Variants in MAF observed in about 807,000 individuals in gnomAD.
The protein encoded by MAF is MAF bZIP transcription factor, also known as transcription factor Maf.
A neutral mutation model predicts 22.0 loss-of-function variants in MAF; 10 were observed. The observed-to-expected ratio is 0.45, with a 90% confidence interval of 0.28 to 0.77. The LOEUF (loss-of-function observed/expected upper bound fraction) is 0.77. Among genes scored for constraint, MAF ranks in the 30% least tolerant of loss-of-function variants. The pLI is 0.12. For synonymous variants in MAF, 337 were observed against 255.8 expected (o/e 1.32, Z -3.03); for missense variants, 544 against 548.4 (o/e 0.99, Z 0.08).
the MAF span, among the ~76,000 whole-genome samples, chr16:79,408,894 G>C: frequency 6.6e-5 from 10 of 151,622 alleles, no homozygotes; most frequent in Non-Finnish European, 1.3e-4. Context: ...ACATTAAAAA[G>C]AGTTATAGAA....
chr16:79,357,555 T>C, the MAF span, among the ~76,000 whole-genome samples: 3 of 152,320 alleles, frequency 2.0e-5, no homozygotes, highest in South Asian at 6.2e-4. Flanking sequence ...CAATCCTCAC[T>C]GCACTTTGCA....
chr16:79,532,644 C>T, the MAF span, among the ~76,000 whole-genome samples: 161 of 152,276 alleles, frequency 1.1e-3, 1 homozygote, highest in African/African-American at 3.7e-3. Flanking sequence ...GAAATGGGGG[C>T]GGCCTCTGTC....
chr16:79,241,932 C>T, the MAF span, among the ~76,000 whole-genome samples: 1 of 152,116 alleles, frequency 6.6e-6, no homozygotes, highest in Non-Finnish European at 1.5e-5. Context: ...AATTTCATAT[C>T]CAGCCAAACT....
chr16:79,333,584 T>C, the MAF span, among the ~76,000 whole-genome samples: 1 of 152,238 alleles, frequency 6.6e-6, no homozygotes, highest in Non-Finnish European at 1.5e-5. Flanking sequence ...GAAAATTCTA[T>C]TAAAATTTGA....
At chr16:79,264,795 G>C in the MAF span, among the ~76,000 whole-genome samples, 3 of 152,080 alleles carry the variant, frequency 2.0e-5, no homozygotes, top group African/African-American at 7.2e-5. Context: ...GTTTCCCATG[G>C]ATCTGAAGCT....
the MAF span, among the ~76,000 whole-genome samples, chr16:79,354,910 G>C: frequency 1.3e-5 from 2 of 152,276 alleles, no homozygotes; most frequent in Non-Finnish European, 2.9e-5. Flanking sequence ...GATAGTGTCA[G>C]ATTAGAAGGA....
chr16:79,311,586 G>A, the MAF span, among the ~76,000 whole-genome samples: 1 of 151,986 alleles, frequency 6.6e-6, no homozygotes, highest in African/African-American at 2.4e-5. Flanking sequence ...TATGAGGGGT[G>A]CTCAGCTGGA....
At chr16:79,538,871 A>G in the MAF span, among the ~76,000 whole-genome samples, 2 of 104,254 alleles carry the variant, frequency 1.9e-5, no homozygotes, top group Admixed American at 1.8e-4. Flanking sequence ...AAAAGAAAAG[A>G]AAAGAAAGAA....
chr16:79,442,775 A>C, the MAF span, among the ~76,000 whole-genome samples: 1 of 152,238 alleles, frequency 6.6e-6, no homozygotes, highest in South Asian at 2.1e-4. Flanking sequence ...GAGGCCTTGG[A>C]AACACAAGAA....
At chr16:79,255,061 G>T in the MAF span, among the ~76,000 whole-genome samples, 1 of 152,156 alleles carries the variant, frequency 6.6e-6, no homozygotes, top group African/African-American at 2.4e-5. Flanking sequence ...GTTCACCGGT[G>T]CAGTTTTATG....
At chr16:79,492,937 G>A in the MAF span, among the ~76,000 whole-genome samples, 3 of 151,352 alleles carry the variant, frequency 2.0e-5, no homozygotes, top group Non-Finnish European at 2.9e-5. Flanking sequence ...CTTAACATAG[G>A]TGCTGGTTAC....
chr16:79,398,608 G>T, the MAF span, among the ~76,000 whole-genome samples: 4 of 152,132 alleles, frequency 2.6e-5, no homozygotes, highest in Non-Finnish European at 5.9e-5. Flanking sequence ...GCTTGTGGCT[G>T]AATTCTGTGC....
the MAF span, among the ~76,000 whole-genome samples, chr16:79,225,146 A>C: frequency 6.6e-6 from 1 of 152,236 alleles, no homozygotes; most frequent in South Asian, 2.1e-4. Context: ...AAAGCATGGT[A>C]CTGGTGCCAA....
chr16:79,578,039 T>A, the MAF span, among the ~76,000 whole-genome samples: 2 of 152,160 alleles, frequency 1.3e-5, no homozygotes, highest in Non-Finnish European at 2.9e-5. Context: ...TATTTCCCAA[T>A]TTCTGAACTA....
the MAF span, among the ~76,000 whole-genome samples, chr16:79,575,311 C>T: frequency 6.6e-6 from 1 of 152,170 alleles, no homozygotes; most frequent in Non-Finnish European, 1.5e-5. Context: ...TGAAGGCCCA[C>T]CCTTGGCTAC....
chr16:79,492,455 C>A, the MAF span, among the ~76,000 whole-genome samples: 16 of 150,534 alleles, frequency 1.1e-4, no homozygotes, highest in Non-Finnish European at 2.2e-4. Context: ...ACCCTTACCC[C>A]AGCCCATTTG....
chr16:79,211,676 C>G, the MAF span: 1 of 1,614,222 alleles, frequency 6.2e-7, no homozygotes, highest in Non-Finnish European at 8.5e-7. Flanking sequence ...GAGGGATGTA[C>G]TTCAACAACT....
chr16:79,572,195 C>T, the MAF span, among the ~76,000 whole-genome samples: 3 of 152,116 alleles, frequency 2.0e-5, no homozygotes, highest in African/African-American at 4.8e-5. Flanking sequence ...ACTTCAAAGC[C>T]CCCAAATCCT....
At chr16:79,333,105 T>C in the MAF span, among the ~76,000 whole-genome samples, 1 of 152,132 alleles carries the variant, frequency 6.6e-6, no homozygotes, top group African/African-American at 2.4e-5. Context: ...TCATTTCCCA[T>C]CTCAGCGGGA....
Sources: allele counts gnomAD v4.1 joint callset (sites outside exome capture counted in the v4.1 genomes callset), GRCh38; gene constraint gnomAD v4.1.1; transcripts MANE v1.5; gene names NCBI Gene and HGNC (gene_info 2026-07-23, HGNC 2026-07-21).